LRRC28: variants seen among roughly 807,000 people sequenced by gnomAD.
The protein encoded by LRRC28 is leucine-rich repeat-containing protein 28.
Under a neutral mutation model 45.7 loss-of-function variants are expected in LRRC28, and 39 were observed. The ratio of observed to expected loss-of-function variants is 0.85; its 90% CI spans 0.66 to 1.12. The LOEUF (loss-of-function observed/expected upper bound fraction) is 1.12. Among genes scored for constraint, LRRC28 ranks in the 50% most tolerant of loss-of-function variants. The pLI is 0.00. For missense variants in LRRC28, 435 were observed against 438.5 expected, an observed-to-expected ratio of 0.99 and a Z score of 0.07; for synonymous variants, 206 against 178.8, an observed-to-expected ratio of 1.15 and a Z score of -1.22.
intron 2 of LRRC28, among the ~76,000 whole-genome samples, chr15:99,275,225 G>A (rs1014331335): frequency 9.2e-5 from 14 of 152,226 alleles, no homozygotes; most frequent in African/African-American, 3.1e-4. Flanking sequence ...GCAGAGAGAA[G>A]CCTGCTTTCA....
At chr15:99,289,927 A>C (rs28572504) in intron 5 of LRRC28, among the ~76,000 whole-genome samples, 20 of 117,378 alleles carry the variant, frequency 1.7e-4, no homozygotes, top group Non-Finnish European at 1.2e-4. Context: ...GCGACAGAGC[A>C]AGACTCCGTC....
At position 99,310,507 on chromosome 15, in the gene LRRC28, A is replaced by T. The variant is rs187484193; in HGVS notation, c.385+22556A>T. 1.2e-4 allele frequency among the ~76,000 whole-genome samples: 18 copies of T among 152,338 alleles called. No individual in the cohort carries two copies. The East Asian group carries it at 2.7e-3, about 23-fold the overall frequency. On this transcript the variant is annotated intron_variant, in intron 5 of 9. Coordinates refer to ENST00000301981, the MANE Select transcript of LRRC28 (RefSeq NM_144598.5). ...TTCACTAGAAGTGAGACAAGCAGAC[A>T]TTATGTTCTACTACCCAGTGTGATG...
At chr15:99,385,511 C>T (rs1957956217) in intron 9 of LRRC28, among the ~76,000 whole-genome samples, 2 of 152,336 alleles carry the variant, frequency 1.3e-5, no homozygotes, top group South Asian at 4.1e-4. Context: ...GTGGGAAGAC[C>T]TTTGAACTGT....
chr15:99,259,167 CA>C, intron 2 of LRRC28: 2 of 1,253,336 alleles, frequency 1.6e-6, no homozygotes, highest in Non-Finnish European at 2.3e-6. Flanking sequence ...TCTCATCATC[CA>C]GCTGACATTA....
chr15:99,330,905 C>G (rs1956140021), intron 5 of LRRC28, among the ~76,000 whole-genome samples: 1 of 151,528 alleles, frequency 6.6e-6, no homozygotes. Flanking sequence ...TTCTTGTTTC[C>G]TCTGAACATG....
At chr15:99,363,464 A>T in intron 9 of LRRC28, 199 bp downstream of exon 9, 1 of 541,854 alleles carries the variant, frequency 1.8e-6, no homozygotes, top group Non-Finnish European at 3.2e-6. Flanking sequence ...TTTTTTGGTC[A>T]TGTGCTGGAC....
intron 2 of LRRC28, among the ~76,000 whole-genome samples, chr15:99,276,075 G>C (rs2081609693): frequency 6.6e-6 from 1 of 151,790 alleles, no homozygotes; most frequent in Non-Finnish European, 1.5e-5. Flanking sequence ...TCTAGTTTGT[G>C]CACTTGTTAT....
chr15:99,343,389 TTTG>T (rs1485777900), intron 6 of LRRC28, among the ~76,000 whole-genome samples: 1 of 152,222 alleles, frequency 6.6e-6, no homozygotes, highest in Non-Finnish European at 1.5e-5. Context: ...ACAGGAGCTT[TTTG>T]TTCCATTTTC....
intron 9 of LRRC28, among the ~76,000 whole-genome samples, chr15:99,374,313 G>A (rs1042907809): frequency 6.6e-6 from 1 of 152,004 alleles, no homozygotes; most frequent in Non-Finnish European, 1.5e-5. Flanking sequence ...ATCATTAAAC[G>A]TTTTCCTAAG....
At chr15:99,277,428 T>TC (rs916507613) in intron 3 of LRRC28, among the ~76,000 whole-genome samples, 2 of 152,114 alleles carry the variant, frequency 1.3e-5, no homozygotes, top group African/African-American at 4.8e-5. Context: ...GCTTTCTCTT[T>TC]CCCTTTTCTA....
chr15:99,332,063 C>A (rs1014170526), intron 5 of LRRC28: 8 of 152,198 alleles, frequency 5.3e-5, no homozygotes, highest in African/African-American at 1.7e-4. Flanking sequence ...CCCACATAGT[C>A]ATTTTTTGAT....
intron 5 of LRRC28, among the ~76,000 whole-genome samples, chr15:99,292,974 CCTT>C (rs773971277): frequency 3.3e-5 from 5 of 152,164 alleles, no homozygotes; most frequent in Non-Finnish European, 5.9e-5. Flanking sequence ...ATTAAGTCCT[CCTT>C]CTTCCCAACT....
At chr15:99,348,105 C>T (rs999023976) in intron 6 of LRRC28, among the ~76,000 whole-genome samples, 3 of 152,094 alleles carry the variant, frequency 2.0e-5, no homozygotes, top group African/African-American at 7.2e-5. Context: ...AGATGCTTTG[C>T]CCATTATTTA....
chr15:99,287,269 A>G lies in LRRC28; in HGVS notation c.222A>G (p.Ser74=). Residue 74 remains serine (S), a synonymous_variant, in exon 4 of 10, where the codon TCA becomes TCG. Transcript: ENST00000301981. ...TTTTCCTTCCTAGATACCTGCACTC[A>G]AATAACATAGTTGTGGTTCCGGAAG... The part of the protein sequence containing the change: ...LPNLVELYLH[S]NNIVVVPEAI... The G allele has an allele frequency of 6.4e-7, 1 of 1,572,850 alleles. No individual in the cohort carries two copies. Among genetic ancestry groups the G allele is most frequent in the South Asian group, 1.2e-5 (1 of 81,938 alleles).
chr15:99,287,443 A>G (rs1417619089), intron 4 of LRRC28, 149 bp downstream of exon 4: 2 of 567,500 alleles, frequency 3.5e-6, no homozygotes, highest in Non-Finnish European at 5.9e-6. Flanking sequence ...CTATAATTAA[A>G]TAAATCTAAA....
chr15:99,265,859 A>G (rs2081319563), intron 2 of LRRC28, among the ~76,000 whole-genome samples: 1 of 152,216 alleles, frequency 6.6e-6, no homozygotes, highest in Non-Finnish European at 1.5e-5. Context: ...TCAACCTGGA[A>G]GCAAAATCAC....
At chr15:99,276,469 C>T in intron 2 of LRRC28, 107 bp from the exon 3 acceptor site, 1 of 766,882 alleles carries the variant, frequency 1.3e-6, no homozygotes, top group African/African-American at 1.8e-5. Context: ...TTCACATTTT[C>T]TCAAAATTTA....
chr15:99,302,661 A>G (rs1347777360), intron 5 of LRRC28, among the ~76,000 whole-genome samples: 4 of 152,224 alleles, frequency 2.6e-5, no homozygotes, highest in Non-Finnish European at 4.4e-5. Context: ...AACCCTCAAT[A>G]CAATCTAGTT....
intron 5 of LRRC28, among the ~76,000 whole-genome samples, chr15:99,330,506 T>C (rs149168741): frequency 3.3e-5 from 5 of 152,322 alleles, no homozygotes; most frequent in South Asian, 2.1e-4. Flanking sequence ...TTGCCTCTTA[T>C]AGCATTTCTT....
Sources: allele counts gnomAD v4.1 joint callset (sites outside exome capture counted in the v4.1 genomes callset), GRCh38; gene constraint gnomAD v4.1.1; transcripts MANE v1.5; gene names NCBI Gene and HGNC (gene_info 2026-07-23, HGNC 2026-07-21).